FGD3: variants seen among roughly 807,000 people sequenced by gnomAD.
The protein encoded by FGD3 is FYVE, RhoGEF and PH domain-containing protein 3.
In FGD3, 45 loss-of-function variants were observed where a neutral mutation model predicts 71.8. The observed-to-expected ratio is 0.63, with a 90% confidence interval of 0.49 to 0.80. The LOEUF is 0.80. Among genes scored for constraint, FGD3 ranks in the 30% least tolerant of loss-of-function variants. The pLI is 0.00. For synonymous variants in FGD3, 378 were observed against 392.8 expected, an observed-to-expected ratio of 0.96 and a Z score of 0.44; for missense variants, 844 against 951.5, an observed-to-expected ratio of 0.89 and a Z score of 1.49.
chr9:92,953,912 A>C (rs1224534916), intron 1 of FGD3, among the ~76,000 whole-genome samples: 1 of 152,228 alleles, frequency 6.6e-6, no homozygotes, highest in African/African-American at 2.4e-5. Flanking sequence ...TAAATTTTCC[A>C]TATGTAAACA....
At chr9:92,996,567 T>C (rs1331175571) in intron 3 of FGD3, among the ~76,000 whole-genome samples, 7 of 152,182 alleles carry the variant, frequency 4.6e-5, no homozygotes, top group Non-Finnish European at 8.8e-5. Flanking sequence ...AATTGTGATG[T>C]TAGGGTGTCC....
chr9:92,954,978 C>T (rs1461483582), intron 1 of FGD3, among the ~76,000 whole-genome samples: 1 of 152,128 alleles, frequency 6.6e-6, no homozygotes, highest in East Asian at 1.9e-4. Flanking sequence ...AGAGTGATGG[C>T]GATATGGTGT....
At chr9:93,028,103 C>T (rs1195789426) in intron 14 of FGD3, among the ~76,000 whole-genome samples, 1 of 151,498 alleles carries the variant, frequency 6.6e-6, no homozygotes, top group African/African-American at 2.4e-5. Flanking sequence ...AGTTTTGGAC[C>T]CATACAAGTG....
At chr9:93,023,795 CTTTTTTTTTTTTTT>C (rs569058583) in intron 14 of FGD3, among the ~76,000 whole-genome samples, 4 of 107,672 alleles carry the variant, frequency 3.7e-5, no homozygotes, top group Non-Finnish European at 7.2e-5. Flanking sequence ...CCATCAGCAA[CTTTTTTTTTTTTTT>C]TTTTTTTTTT....
chr9:92,996,294 A>G (rs548229522), intron 3 of FGD3, among the ~76,000 whole-genome samples: 2 of 152,218 alleles, frequency 1.3e-5, no homozygotes, highest in South Asian at 4.1e-4. Flanking sequence ...TGCTGATGGT[A>G]GTTTGTATTT....
chr9:93,031,390 G>A (rs554153354), intron 15 of FGD3, among the ~76,000 whole-genome samples: 1 of 152,190 alleles, frequency 6.6e-6, no homozygotes, highest in Non-Finnish European at 1.5e-5. Flanking sequence ...TCCTTGGAGT[G>A]AGCGTCCTCA....
At position 93,022,428 on chromosome 9, in the gene FGD3, G is replaced by A. The variant is rs745868703; in HGVS notation, c.1557+39G>A. ...GCTCAGCGGTCAGCAGGGGTGAAAG[G>A]CAGAGCAGGGGGTCAGACCAGGATG... is the stretch of plus-strand genomic sequence containing the variant. On this transcript the variant is annotated intron_variant, in intron 14 of 17. Transcript: ENST00000375482. 5 of 1,602,960 alleles carry A rather than the reference G, an allele frequency of 3.1e-6. No individual in the cohort carries two copies. In the South Asian group the frequency reaches 4.4e-5, roughly 14 times the overall value.
At position 93,035,601 on chromosome 9, in the gene FGD3, C is replaced by A; in HGVS notation, c.*12C>A. The A allele has an allele frequency of 6.4e-7, 1 of 1,571,204 alleles. No individual in the cohort carries two copies. Among genetic ancestry groups the A allele is most frequent in the Non-Finnish European group, 8.6e-7 (1 of 1,161,724 alleles). ...CAGCTGCTCCGTGAGCTGAGTCTCC[C>A]ACTGCCCTGCACACCACCACATTGG... On this transcript the variant is annotated 3_prime_UTR_variant, in exon 18 of 18. Coordinates refer to ENST00000375482, the MANE Select transcript of FGD3 (RefSeq NM_001083536.2).
At chr9:92,962,423 G>T (rs1445029542) in intron 1 of FGD3, among the ~76,000 whole-genome samples, 1 of 152,232 alleles carries the variant, frequency 6.6e-6, no homozygotes, top group Admixed American at 6.5e-5. Flanking sequence ...TGTCCTTCCT[G>T]GCCTGGGCTG....
chr9:93,010,447 G>A, intron 7 of FGD3, 63 bp downstream of exon 7: 2 of 1,474,844 alleles, frequency 1.4e-6, no homozygotes, highest in South Asian at 1.3e-5. Context: ...TCTGGGGGTG[G>A]GGAGAGAGGG....
Position 93,020,423 on chromosome 9 carries a change from C to T in FGD3, c.1493C>T (p.Pro498Leu), listed in dbSNP as rs780906712. 6.2e-7 allele frequency: 1 copy of T among 1,612,774 alleles called. No homozygotes were observed. Among genetic ancestry groups the T allele is most frequent in the Non-Finnish European group, 8.5e-7 (1 of 1,179,546 alleles). Residue 498 changes from proline (P) to leucine (L), a missense_variant and splice_region_variant, in exon 13 of 18, where the codon CCT becomes CTT. Pro to Leu is a moderately conservative substitution (Grantham distance 98). Transcript: ENST00000375482. ...DEDPSLSPDM[P>L]ITSTSPVEPV... ...GACCCCAGCCTCTCTCCAGACATGC[C>T]TGTGAGTCAGTGGCCCGGGGTGCAG...
At chr9:92,952,970 G>A (rs867287047) in intron 1 of FGD3, among the ~76,000 whole-genome samples, 2 of 152,160 alleles carry the variant, frequency 1.3e-5, no homozygotes, top group South Asian at 2.1e-4. Context: ...AATAGTAAAC[G>A]GTGGATCCAA....
chr9:92,951,736 G>A (rs528109715), intron 1 of FGD3, among the ~76,000 whole-genome samples: 3 of 149,666 alleles, frequency 2.0e-5, no homozygotes, highest in South Asian at 4.2e-4. Flanking sequence ...TTGTGTCTGA[G>A]CACACTCATG....
chr9:92,985,195 A>G (rs1265547826), intron 3 of FGD3, among the ~76,000 whole-genome samples: 2 of 152,236 alleles, frequency 1.3e-5, no homozygotes, highest in Non-Finnish European at 2.9e-5. Context: ...TCCCACGCCA[A>G]TGGCAGTTAC....
chr9:92,957,662 T>C (rs1385848007), intron 1 of FGD3, among the ~76,000 whole-genome samples: 1 of 149,184 alleles, frequency 6.7e-6, no homozygotes. Flanking sequence ...TGATTTGTCT[T>C]TGAAATTTTC....
chr9:92,971,576 T>C (rs1272893642), intron 1 of FGD3, among the ~76,000 whole-genome samples: 14 of 128,478 alleles, frequency 1.1e-4, no homozygotes, highest in East Asian at 2.2e-4. Flanking sequence ...CTTTTTTTTT[T>C]TTTTTTTTTT....
At chr9:92,952,325 T>C (rs1469247441) in intron 1 of FGD3, among the ~76,000 whole-genome samples, 1 of 150,790 alleles carries the variant, frequency 6.6e-6, no homozygotes, top group Non-Finnish European at 1.5e-5. Context: ...CAAGCTCCGC[T>C]TCCTGGCTTC....
intron 1 of FGD3, among the ~76,000 whole-genome samples, chr9:92,961,212 T>C (rs1859161824): frequency 6.6e-6 from 1 of 152,100 alleles, no homozygotes; most frequent in Non-Finnish European, 1.5e-5. Flanking sequence ...ACCCCCTTTC[T>C]CATCAGAGGC....
intron 3 of FGD3, among the ~76,000 whole-genome samples, chr9:92,998,196 CTT>C (rs1860722830): frequency 6.6e-6 from 1 of 152,130 alleles, no homozygotes; most frequent in Admixed American, 6.5e-5. Context: ...CTAAACTTCT[CTT>C]CTCACTTCAT....
Sources: gnomAD v4.1 joint callset for allele counts (sites outside exome capture counted in the v4.1 genomes callset) on GRCh38, gnomAD v4.1.1 for gene constraint, MANE v1.5 for transcripts, NCBI Gene and HGNC (gene_info 2026-07-23, HGNC 2026-07-21) for gene names.